The following MAPT variants were observed in gnomAD, a reference collection of about 807,000 sequenced individuals.
MAPT encodes the protein microtubule-associated protein tau.
A neutral mutation model predicts 67.9 loss-of-function variants in MAPT; 34 were observed. The observed-to-expected ratio is 0.50, with a 90% CI of 0.38 to 0.67. The LOEUF (loss-of-function observed/expected upper bound fraction) is 0.67. Ranked by LOEUF, MAPT falls within the 30% of genes least tolerant of loss-of-function variation. MAPT has a pLI of 0.00. For missense variants in MAPT, 881 were observed against 1,115.2 expected, an observed-to-expected ratio of 0.79 and a Z score of 2.99; for synonymous variants, 456 against 464.5, an observed-to-expected ratio of 0.98 and a Z score of 0.23.
Position 46,028,008 on chromosome 17 carries a change from G to C in MAPT, c.*3837G>C, listed in dbSNP as rs996052121. 2 of 155,230 alleles carry C rather than the reference G, an allele frequency of 1.3e-5. No homozygotes were observed. Among genetic ancestry groups the C allele is most frequent in the African/African-American group, 4.8e-5 (2 of 41,496 alleles). 9.6% of individuals were successfully genotyped at this position (155,230 alleles called of 1,614,324 possible). Reference sequence around the variant, plus strand: ...GGCGAGGGCAGAGGTGATCACCTGCGTGTCCCATCTACAGACCTGCAGCTT... The same window carrying C: ...GGCGAGGGCAGAGGTGATCACCTGCCTGTCCCATCTACAGACCTGCAGCTT... On this transcript the variant is annotated 3_prime_UTR_variant, in exon 13 of 13. Transcript: ENST00000262410.
intron 1 of MAPT, among the ~76,000 whole-genome samples, chr17:45,960,489 A>C (rs1294992500): frequency 6.6e-6 from 1 of 152,282 alleles, no homozygotes; most frequent in East Asian, 1.9e-4. Flanking sequence ...AAATTCCAAA[A>C]GCTGAATCCA....
chr17:45,966,360 G>C (rs1393656530), intron 2 of MAPT, among the ~76,000 whole-genome samples: 1 of 152,194 alleles, frequency 6.6e-6, no homozygotes, highest in Non-Finnish European at 1.5e-5. Context: ...GGCTGAGGCA[G>C]GTGGATTGCT....
At chr17:45,941,804 T>C (rs1293001505) in intron 1 of MAPT, among the ~76,000 whole-genome samples, 1 of 151,378 alleles carries the variant, frequency 6.6e-6, no homozygotes, top group Non-Finnish European at 1.5e-5. Flanking sequence ...GTCCAGGCTG[T>C]TCTTTGGTCT....
intron 1 of MAPT, among the ~76,000 whole-genome samples, chr17:45,925,262 C>G (rs1043946098): frequency 2.2e-4 from 34 of 152,218 alleles, no homozygotes; most frequent in African/African-American, 8.0e-4. Context: ...TTCAGCCCCT[C>G]TCCAGGGTTT....
At chr17:45,982,339 TG>T (rs1568275163) in intron 4 of MAPT, among the ~76,000 whole-genome samples, 1 of 38,348 alleles carries the variant, frequency 2.6e-5, no homozygotes, top group Admixed American at 3.9e-4. Flanking sequence ...AAAAAAGGGG[TG>T]GGGGGCGGGG....
intron 1 of MAPT, among the ~76,000 whole-genome samples, chr17:45,939,565 T>C (rs528802549): frequency 2.0e-5 from 3 of 152,348 alleles, no homozygotes; most frequent in South Asian, 4.1e-4. Flanking sequence ...GAAAGTGCTA[T>C]GCAAATGATA....
At chr17:45,989,748 A>T in intron 6 of MAPT, 130 bp from the exon 7 acceptor site, 1 of 816,672 alleles carries the variant, frequency 1.2e-6, no homozygotes, top group South Asian at 1.5e-5. Context: ...ACCTGATTCA[A>T]ACAGCCTGGA....
At chr17:45,940,812 A>G (rs1387770154) in intron 1 of MAPT, among the ~76,000 whole-genome samples, 1 of 152,198 alleles carries the variant, frequency 6.6e-6, no homozygotes, top group Non-Finnish European at 1.5e-5. Context: ...TTAAGAGGTA[A>G]TGAGCTCCCT....
intron 1 of MAPT, among the ~76,000 whole-genome samples, chr17:45,904,338 A>ATATATATATTATATATATTATATATATTT (rs2064119893): frequency 1.6e-5 from 1 of 62,418 alleles, no homozygotes; most frequent in African/African-American, 5.2e-5. Context: ...ATTATATATT[A>ATATATATATTATATATATTATATATATTT]TATATATATT....
chr17:45,978,142 T>G, intron 3 of MAPT: 1 of 580,008 alleles, frequency 1.7e-6, no homozygotes, highest in Non-Finnish European at 3.1e-6. Context: ...TCCTACTAGG[T>G]CATAGCTACA....
chr17:46,000,142 G>A (rs1047059166), intron 9 of MAPT, among the ~76,000 whole-genome samples: 5 of 152,164 alleles, frequency 3.3e-5, no homozygotes, highest in East Asian at 3.9e-4. Context: ...TCCCTCAACC[G>A]TGCCGGAACA....
intron 2 of MAPT, among the ~76,000 whole-genome samples, chr17:45,964,855 A>T (rs56166491): frequency 1.3e-5 from 2 of 150,008 alleles, no homozygotes; most frequent in South Asian, 4.2e-4. Flanking sequence ...TCTCCATCCC[A>T]CAACACTGCC....
At chr17:45,909,869 C>CAAAA (rs59131080) in intron 1 of MAPT, among the ~76,000 whole-genome samples, 6,796 of 59,758 alleles carry the variant, frequency 0.11, 878 homozygotes, top group Non-Finnish European at 0.16. Context: ...GACTCTGTCT[C>CAAAA]AAAAAAAAAA....
intron 1 of MAPT, among the ~76,000 whole-genome samples, chr17:45,926,623 TA>T (rs1403212139): frequency 2.0e-5 from 3 of 152,178 alleles, no homozygotes; most frequent in African/African-American, 7.2e-5. Flanking sequence ...CTCAAATTTT[TA>T]AAAATCTATA....
intron 1 of MAPT, among the ~76,000 whole-genome samples, chr17:45,900,743 C>T (rs546424342): frequency 6.6e-6 from 1 of 152,290 alleles, no homozygotes; most frequent in African/African-American, 2.4e-5. Context: ...GATCGGGCCT[C>T]CTGGGCACAA....
At position 45,991,461 on chromosome 17, in the gene MAPT, G is replaced by A. The variant is rs116231676; in HGVS notation, c.1607G>A (p.Gly536Glu). The A allele has an allele frequency of 1.7e-5, 27 of 1,614,078 alleles. No homozygotes were observed. In the East Asian group the frequency reaches 4.9e-4, roughly 29 times the overall value. ...SSGAKEMKLK[G>E]ADGKTKIATP... is the part of the protein sequence containing the mutation. ...CCCTCTATCATGTTTCATTTACAGG[G>A]GGCTGATGGTAAAACGAAGATCGCC... The change falls in exon 8 of 13, where the codon GGG becomes GAG. Residue 536 changes from glycine (G) to glutamate (E), a missense_variant and splice_region_variant. Gly to Glu is a moderately conservative substitution (Grantham distance 98). Coordinates refer to ENST00000262410, the MANE Select transcript of MAPT (RefSeq NM_001377265.1).
chr17:45,928,981 G>T (rs2066611431), intron 1 of MAPT, among the ~76,000 whole-genome samples: 1 of 152,192 alleles, frequency 6.6e-6, no homozygotes, highest in African/African-American at 2.4e-5. Context: ...TTACAGGCAT[G>T]AGCCACTGCA....
chr17:45,954,239 T>C (rs1435808647), intron 1 of MAPT, among the ~76,000 whole-genome samples: 2 of 152,258 alleles, frequency 1.3e-5, no homozygotes, highest in Non-Finnish European at 2.9e-5. Flanking sequence ...CATTTATTTA[T>C]GCTCGATGGC....
rs534221593 is a variant in MAPT at position 45,942,508 on chromosome 17, A to G, written c.-17-19813A>G. Among the ~76,000 whole-genome samples the G allele has an allele frequency of 7.9e-5, 12 of 152,328 alleles. No individual in the cohort carries two copies. The South Asian group carries it at 1.2e-3, about 16-fold the overall frequency. On this transcript the variant is annotated intron_variant, in intron 1 of 12. Transcript: ENST00000262410. ...CAAACAAGAGCCTTCAGAGCCTTCC[A>G]CAGTCTTTCTTTTGCTTCCCAGCAT...
Sources: allele counts gnomAD v4.1 joint callset (sites outside exome capture counted in the v4.1 genomes callset), GRCh38; gene constraint gnomAD v4.1.1; transcripts MANE v1.5; gene names NCBI Gene and HGNC (gene_info 2026-07-23, HGNC 2026-07-21).